The following FBXO11 variants were observed in gnomAD, a reference collection of about 807,000 sequenced individuals.
FBXO11 encodes F-box only protein 11.
Under a neutral mutation model 117.0 loss-of-function variants are expected in FBXO11, and 13 were observed. The observed-to-expected ratio is 0.11, with a 90% CI of 0.07 to 0.18. The LOEUF (loss-of-function observed/expected upper bound fraction) is 0.18, where lower values mean the gene tolerates loss of function less well. FBXO11 is among the 10% of genes least tolerant of loss of function. The pLI is 1.00. For missense variants in FBXO11, 767 were observed against 1,164.4 expected, an observed-to-expected ratio of 0.66 and a Z score of 4.97; for synonymous variants, 490 against 380.5, an observed-to-expected ratio of 1.29 and a Z score of -3.35.
intron 1 of FBXO11, among the ~76,000 whole-genome samples, chr2:47,899,602 T>C (rs1412041389): frequency 1.3e-5 from 2 of 152,194 alleles, no homozygotes; most frequent in Non-Finnish European, 2.9e-5. Context: ...AGAACCCATA[T>C]CTAGCTAGCT....
At chr2:47,814,088 A>G in intron 16 of FBXO11, 1 of 443,666 alleles carries the variant, frequency 2.3e-6, no homozygotes, top group Non-Finnish European at 4.1e-6. Context: ...AGAGTTTCCT[A>G]ACATGTAAAC....
At chr2:47,857,289 T>C (rs1391755695) in intron 1 of FBXO11, among the ~76,000 whole-genome samples, 2 of 152,190 alleles carry the variant, frequency 1.3e-5, no homozygotes, top group Non-Finnish European at 2.9e-5. Flanking sequence ...AAGGTATTTT[T>C]TTTTTTAAAT....
chr2:47,825,571 CTTTTTTTTTTTTTTTTT>C (rs751404253), intron 11 of FBXO11, among the ~76,000 whole-genome samples: 1 of 88,312 alleles, frequency 1.1e-5, no homozygotes, highest in African/African-American at 4.5e-5. Flanking sequence ...TCTTCTTCTT[CTTTTTTTTTTTTTTTTT>C]TTTTTTTTAG....
At position 47,853,927 on chromosome 2, in the gene FBXO11, G is replaced by A. The variant is rs184711009; in HGVS notation, c.233-14158C>T. Among the ~76,000 whole-genome samples the A allele has an allele frequency of 5.5e-3, 837 of 152,248 alleles. 1 individual carries two copies. The highest frequency in any genetic ancestry group is 0.014 in the Middle Eastern group (4 of 294). On this transcript the variant is annotated intron_variant, in intron 1 of 22. Coordinates refer to ENST00000403359, the MANE Select transcript of FBXO11 (RefSeq NM_001190274.2). Reference sequence around the variant, plus strand: ...CTATTACAAAATACTACTCATGACAGGTATTTAGAATGGTTCTAGAAGCTT... The same window carrying A: ...CTATTACAAAATACTACTCATGACAAGTATTTAGAATGGTTCTAGAAGCTT...
chr2:47,840,757 C>A (rs1331843817), intron 1 of FBXO11, among the ~76,000 whole-genome samples: 2 of 151,362 alleles, frequency 1.3e-5, no homozygotes, highest in Non-Finnish European at 2.9e-5. Context: ...TATGATCACA[C>A]ATCTGCACTC....
intron 1 of FBXO11, among the ~76,000 whole-genome samples, chr2:47,854,128 T>G (rs909285120): frequency 6.6e-6 from 1 of 152,238 alleles, no homozygotes; most frequent in African/African-American, 2.4e-5. Flanking sequence ...TATGTTCACT[T>G]AGAAAATTTG....
intron 16 of FBXO11, chr2:47,814,091 A>T (rs1249111337): frequency 4.6e-6 from 2 of 438,938 alleles, no homozygotes; most frequent in Non-Finnish European, 8.3e-6. Flanking sequence ...GTTTCCTAAC[A>T]TGTAAACTAA....
intron 1 of FBXO11, among the ~76,000 whole-genome samples, chr2:47,862,910 C>T (rs1674889144): frequency 6.6e-6 from 1 of 151,942 alleles, no homozygotes; most frequent in African/African-American, 2.4e-5. Context: ...CAAAAATTAG[C>T]TGGGTGTGGT....
Position 47,806,956 on chromosome 2 carries a change from A to ATTTTTCCATTTTCTTTC in FBXO11, c.*1145_*1161dup. 1.1e-6 allele frequency: 1 copy of ATTTTTCCATTTTCTTTC among 952,076 alleles called. No homozygotes were observed. Among genetic ancestry groups the ATTTTTCCATTTTCTTTC allele is most frequent in the East Asian group, 2.5e-5 (1 of 39,246 alleles). 59.0% of individuals were successfully genotyped at this position (952,076 alleles called of 1,614,324 possible). On this transcript the variant is annotated 3_prime_UTR_variant, in exon 23 of 23. Coordinates refer to ENST00000403359, the MANE Select transcript of FBXO11 (RefSeq NM_001190274.2). ...TAAACTTTATTTTTTAAAAATGACC[A>ATTTTTCCATTTTCTTTC]TTTTTCCATTTTCTTTCTAGGAAAT...
chr2:47,890,981 ATT>A (rs545809805), intron 1 of FBXO11, among the ~76,000 whole-genome samples: 1 of 142,686 alleles, frequency 7.0e-6, no homozygotes, highest in Non-Finnish European at 1.5e-5. Context: ...CCATACCGGG[ATT>A]TTTTTTTTTT....
At chr2:47,894,595 AC>A (rs1677513484) in intron 1 of FBXO11, among the ~76,000 whole-genome samples, 2 of 152,186 alleles carry the variant, frequency 1.3e-5, no homozygotes. Flanking sequence ...CCTCAAAGCA[AC>A]CCAACCTACA....
intron 18 of FBXO11, among the ~76,000 whole-genome samples, chr2:47,812,438 C>A (rs1466419170): frequency 6.6e-6 from 1 of 152,188 alleles, no homozygotes; most frequent in Non-Finnish European, 1.5e-5. Flanking sequence ...CATTTCTCAA[C>A]ACCTTGCAAA....
At chr2:47,859,941 A>G (rs1272265105) in intron 1 of FBXO11, among the ~76,000 whole-genome samples, 1 of 152,180 alleles carries the variant, frequency 6.6e-6, no homozygotes, top group Non-Finnish European at 1.5e-5. Flanking sequence ...GATTCTCATG[A>G]AAAGTTCATA....
At chr2:47,895,188 GAAAAAT>G (rs1677563659) in intron 1 of FBXO11, among the ~76,000 whole-genome samples, 1 of 151,952 alleles carries the variant, frequency 6.6e-6, no homozygotes, top group African/African-American at 2.4e-5. Flanking sequence ...AAAAAATGCA[GAAAAAT>G]AAAAAGGAAT....
At chr2:47,904,280 CCTT>C (rs1483354446) in intron 1 of FBXO11, among the ~76,000 whole-genome samples, 1 of 152,188 alleles carries the variant, frequency 6.6e-6, no homozygotes, top group Non-Finnish European at 1.5e-5. Context: ...TTCTCCTCCT[CCTT>C]AAAACAACAA....
Position 47,809,682 on chromosome 2 carries a change from A to T in FBXO11, c.2364T>A (p.Thr788=). 6.2e-7 allele frequency: 1 copy of T among 1,613,424 alleles called. No homozygotes were observed. Among genetic ancestry groups the T allele is most frequent in the Non-Finnish European group, 8.5e-7 (1 of 1,179,694 alleles). ...AAGIEITNHA[T]ATLEGNQIFN... is the part of the protein sequence containing the mutation. ...AAATCTGATTGCCTTCTAGTGTTGC[A>T]GTTGCGTGATTTGTAATTTCAATAC... is the stretch of plus-strand genomic sequence containing the variant. Residue 788 remains threonine, a synonymous_variant, in exon 20 of 23, where the codon ACT becomes ACA. Transcript: ENST00000403359.
At chr2:47,844,703 G>A (rs1451483589) in intron 1 of FBXO11, among the ~76,000 whole-genome samples, 7 of 152,194 alleles carry the variant, frequency 4.6e-5, no homozygotes, top group African/African-American at 1.7e-4. Flanking sequence ...CCCGGCTGGA[G>A]TGCAGTGGTG....
At chr2:47,884,528 T>C (rs1350876239) in intron 1 of FBXO11, among the ~76,000 whole-genome samples, 1 of 152,216 alleles carries the variant, frequency 6.6e-6, no homozygotes, top group Non-Finnish European at 1.5e-5. Context: ...TTGATGCATT[T>C]TTCCTCTTTA....
chr2:47,833,140 G>A (rs1672309385), intron 7 of FBXO11, 70 bp from the exon 8 acceptor site: 8 of 1,006,236 alleles, frequency 8.0e-6, no homozygotes, highest in South Asian at 2.7e-5. Context: ...TTATGGAGGG[G>A]GAACTTACTA....
Sources: allele counts gnomAD v4.1 joint callset (sites outside exome capture counted in the v4.1 genomes callset), GRCh38; gene constraint gnomAD v4.1.1; transcripts MANE v1.5; gene names NCBI Gene and HGNC (gene_info 2026-07-23, HGNC 2026-07-21).